The following YTHDF2 variants were observed in gnomAD, a reference collection of about 807,000 sequenced individuals.
The protein encoded by YTHDF2 is YTH domain-containing family protein 2.
YTHDF2 carries 2 observed loss-of-function variants against 50.4 expected under a neutral mutation model. The ratio of observed to expected loss-of-function variants is 0.04; its 90% CI spans 0.02 to 0.12. The LOEUF is 0.12. Ranked by LOEUF, YTHDF2 falls within the 10% of genes least tolerant of loss-of-function variation. The pLI, the probability that YTHDF2 is intolerant of heterozygous loss-of-function variation, is 1.00. For missense variants in YTHDF2, 483 were observed against 722.6 expected (o/e 0.67, Z 3.80); for synonymous variants, 217 against 255.6 (o/e 0.85, Z 1.44).
At chr1:28,764,842 C>G (rs1194593988) in intron 4 of YTHDF2, among the ~76,000 whole-genome samples, 2 of 152,048 alleles carry the variant, frequency 1.3e-5, no homozygotes, top group Non-Finnish European at 2.9e-5. Flanking sequence ...CCGTGCCAGG[C>G]CTTAATGTTT....
At chr1:28,757,804 C>T (rs2088056862) in intron 4 of YTHDF2, among the ~76,000 whole-genome samples, 1 of 152,068 alleles carries the variant, frequency 6.6e-6, no homozygotes, top group East Asian at 1.9e-4. Context: ...CTTTTCTTTA[C>T]CTATGTAATT....
intron 4 of YTHDF2, among the ~76,000 whole-genome samples, chr1:28,746,728 C>G (rs1296515265): frequency 1.3e-5 from 2 of 151,930 alleles, no homozygotes; most frequent in Non-Finnish European, 2.9e-5. Flanking sequence ...CCACTGCACT[C>G]CAGCCTGGGC....
Position 28,769,272 on chromosome 1 carries a change from T to C in YTHDF2, c.*320T>C. On this transcript the variant is annotated 3_prime_UTR_variant, in exon 5 of 5. Coordinates refer to ENST00000373812, the MANE Select transcript of YTHDF2 (RefSeq NM_016258.3). ...CTTTTTACTATGTTTTTCGGATTTT[T>C]AAGTCCGTAAGTGCATACAGTTTTC... The C allele has an allele frequency of 5.1e-6, 1 of 195,130 alleles. No individual in the cohort carries two copies. 12.1% of individuals were successfully genotyped at this position (195,130 alleles called of 1,614,324 possible).
Position 28,737,338 on chromosome 1 carries a change from C to T in YTHDF2, c.27+191C>T. ...CCTGTTCTTCCCGCTTCTCCTCGGG[C>T]CTCGGAGCCCACGGGCCGGGCCGCG... is the stretch of plus-strand genomic sequence containing the variant. On this transcript the variant is annotated intron_variant, in intron 1 of 4. Coordinates refer to ENST00000373812, the MANE Select transcript of YTHDF2 (RefSeq NM_016258.3). 3 of 748,328 alleles carry T rather than the reference C, an allele frequency of 4.0e-6. 1 individual carries two copies. Among genetic ancestry groups the T allele is most frequent in the South Asian group, 4.1e-5 (2 of 48,506 alleles). The allele number at this position is 748,328 out of a possible 1,614,324, so 46.4% of individuals were successfully genotyped here.
chr1:28,764,621 C>T (rs1047262565), intron 4 of YTHDF2, among the ~76,000 whole-genome samples: 1 of 151,896 alleles, frequency 6.6e-6, no homozygotes, highest in African/African-American at 2.4e-5. Flanking sequence ...GTTGGCCATG[C>T]TGGTCTTGAA....
In YTHDF2 at chr1:28,737,718, G is replaced by A. The variant is rs1266537108; in HGVS notation, c.52+36G>A. ...CTCCGCCGGTGGCCCTGAGCCGGGA[G>A]GGGGACGCGGGGCGGTGGGGGCGGG... On this transcript the variant is annotated intron_variant, in intron 2 of 4. Coordinates refer to ENST00000373812, the MANE Select transcript of YTHDF2 (RefSeq NM_016258.3). 5 of 1,610,524 alleles carry A rather than the reference G, an allele frequency of 3.1e-6. No homozygotes were observed. The African/African-American group carries it at 5.3e-5, about 17-fold the overall frequency.
At chr1:28,762,563 A>G (rs1375823094) in intron 4 of YTHDF2, among the ~76,000 whole-genome samples, 2 of 152,188 alleles carry the variant, frequency 1.3e-5, no homozygotes, top group African/African-American at 4.8e-5. Flanking sequence ...CATTTACCAG[A>G]TTTTAATGTT....
intron 4 of YTHDF2, among the ~76,000 whole-genome samples, chr1:28,762,208 C>T (rs1231242350): frequency 3.9e-5 from 6 of 151,950 alleles, no homozygotes; most frequent in East Asian, 1.9e-4. Flanking sequence ...CTGGCTAACA[C>T]GGTGAAACCC....
chr1:28,763,770 T>TG (rs397946268), intron 4 of YTHDF2, among the ~76,000 whole-genome samples: 10 of 150,732 alleles, frequency 6.6e-5, no homozygotes, highest in Admixed American at 3.3e-4. Context: ...TTTTTTTTTT[T>TG]GGGATTATGG....
intron 3 of YTHDF2, among the ~76,000 whole-genome samples, chr1:28,739,597 G>A (rs2087747361): frequency 6.6e-6 from 1 of 152,090 alleles, no homozygotes; most frequent in Non-Finnish European, 1.5e-5. Flanking sequence ...CACCATGCCC[G>A]GCTGAGTCAG....
intron 4 of YTHDF2, among the ~76,000 whole-genome samples, chr1:28,753,127 T>A (rs923378055): frequency 1.3e-5 from 2 of 151,666 alleles, no homozygotes; most frequent in African/African-American, 4.8e-5. Flanking sequence ...CAAAACATGT[T>A]TCATGTTTGT....
intron 4 of YTHDF2, among the ~76,000 whole-genome samples, chr1:28,751,090 CAAAA>C (rs56916547): frequency 8.9e-5 from 3 of 33,754 alleles, no homozygotes; most frequent in South Asian, 2.1e-3. Context: ...GAGACTGTCT[CAAAA>C]AAAAAAAAAA....
chr1:28,763,410 A>G (rs992762012), intron 4 of YTHDF2, among the ~76,000 whole-genome samples: 2 of 152,016 alleles, frequency 1.3e-5, no homozygotes, highest in African/African-American at 4.8e-5. Flanking sequence ...AGTAGCTGGG[A>G]TTATAGGTGC....
At chr1:28,737,840 G>A (rs2087718988) in intron 2 of YTHDF2, 158 bp downstream of exon 2, 8 of 842,582 alleles carry the variant, frequency 9.5e-6, no homozygotes, top group Admixed American at 2.8e-5. Context: ...GTGTGTTCTT[G>A]CAGCTGGCGA....
At chr1:28,762,921 C>G (rs1234501430) in intron 4 of YTHDF2, among the ~76,000 whole-genome samples, 1 of 151,566 alleles carries the variant, frequency 6.6e-6, no homozygotes. Context: ...CACCCGGGTT[C>G]AAGTGATTGA....
intron 4 of YTHDF2, among the ~76,000 whole-genome samples, chr1:28,768,457 C>T (rs988647006): frequency 1.1e-4 from 16 of 151,802 alleles, no homozygotes; most frequent in African/African-American, 3.9e-4. Context: ...TTCTCCATAA[C>T]CCTGTGAGAT....
In YTHDF2 at chr1:28,742,471, C is replaced by G. The variant is rs201869265; in HGVS notation, c.201C>G (p.Ser67=). ...ACTACAGTCCCTCCATTGGCTTCTC[C>G]TATTCTTTGGGTGAAGCTGCTTGGT... ...PSYYSPSIGF[S]YSLGEAAWST... The change falls in exon 4 of 5, where the codon TCC becomes TCG. Residue 67 remains serine, a synonymous_variant. Transcript: ENST00000373812. The G allele has an allele frequency of 6.2e-7, 1 of 1,613,098 alleles. No individual in the cohort carries two copies. Among genetic ancestry groups the G allele is most frequent in the East Asian group, 2.2e-5 (1 of 44,878 alleles).
chr1:28,742,644 T>C lies in YTHDF2; in HGVS notation c.374T>C (p.Phe125Ser), dbSNP rs773120628. 1.2e-6 allele frequency: 2 copies of C among 1,614,110 alleles called. No homozygotes were observed. Among genetic ancestry groups the C allele is most frequent in the South Asian group, 1.1e-5 (1 of 91,082 alleles). Residue 125 changes from phenylalanine to serine, a missense_variant, in exon 4 of 5, where the codon TTT becomes TCT. Phe to Ser is a radical substitution (Grantham distance 155). Coordinates refer to ENST00000373812, the MANE Select transcript of YTHDF2 (RefSeq NM_016258.3). ...PFLGQHGFNF[F>S]PSGIDFSAWG... is the part of the protein sequence containing the mutation. ...CTTGGTCAGCATGGTTTTAATTTCT[T>C]TCCCAGTGGGATTGACTTCTCAGCA... is the stretch of plus-strand genomic sequence containing the variant.
intron 3 of YTHDF2, among the ~76,000 whole-genome samples, chr1:28,741,541 C>T (rs1173240228): frequency 1.3e-5 from 2 of 152,078 alleles, no homozygotes; most frequent in Non-Finnish European, 2.9e-5. Context: ...AGTCATCCAC[C>T]CCTCTGTCTC....
Sources: allele counts gnomAD v4.1 joint callset (sites outside exome capture counted in the v4.1 genomes callset), GRCh38; gene constraint gnomAD v4.1.1; transcripts MANE v1.5; gene names NCBI Gene and HGNC (gene_info 2026-07-23, HGNC 2026-07-21).